Variants in HERC3 observed in about 807,000 individuals in gnomAD.
HERC3 encodes the protein HECT and RLD domain containing E3 ubiquitin protein ligase 3.
A neutral mutation model predicts 129.9 loss-of-function variants in HERC3; 58 were observed. The ratio of observed to expected loss-of-function variants is 0.45; its 90% CI spans 0.36 to 0.56. The LOEUF is 0.56. Among genes scored for constraint, HERC3 ranks in the 20% least tolerant of loss-of-function variants. The pLI is 0.00. For missense variants in HERC3, 835 were observed against 1,244.2 expected (o/e 0.67, Z 4.95); for synonymous variants, 430 against 451.0 (o/e 0.95, Z 0.59).
the HERC3 span, chr4:88,527,414 C>A: frequency 1.2e-5 from 2 of 161,314 alleles, no homozygotes; most frequent in Admixed American, 6.5e-5. Flanking sequence ...TGCACCACCA[C>A]ACCTGGCTAA....
intron 1 of HERC3, 129 bp from the exon 2 acceptor site, chr4:88,595,428 A>G (rs1722259440): frequency 6.6e-6 from 1 of 152,210 alleles, no homozygotes; most frequent in African/African-American, 2.4e-5. Context: ...TGCGTGGGGA[A>G]TATTCAAGAT....
intron 23 of HERC3, among the ~76,000 whole-genome samples, chr4:88,701,366 A>AGAGC (rs1411422692): frequency 6.6e-6 from 1 of 152,224 alleles, no homozygotes; most frequent in Admixed American, 6.5e-5. Flanking sequence ...TATCCACTGT[A>AGAGC]TTACACCATT....
chr4:88,618,001 C>T (rs1038463275), intron 3 of HERC3, among the ~76,000 whole-genome samples: 1 of 152,166 alleles, frequency 6.6e-6, no homozygotes, highest in South Asian at 2.1e-4. Flanking sequence ...TGGGTCTCCT[C>T]CAGGACGAGC....
the HERC3 span, among the ~76,000 whole-genome samples, chr4:88,564,915 G>A: frequency 6.6e-6 from 1 of 151,572 alleles, no homozygotes; most frequent in Non-Finnish European, 1.5e-5. Flanking sequence ...GTTTTTTTAT[G>A]TTCTGTTTCC....
chr4:88,639,579 A>G (rs1363714279), intron 3 of HERC3, among the ~76,000 whole-genome samples: 1 of 152,242 alleles, frequency 6.6e-6, no homozygotes, highest in Non-Finnish European at 1.5e-5. Flanking sequence ...CTTATACAAA[A>G]ATTAACTCAA....
In HERC3 at chr4:88,704,085, T is replaced by C. The variant is rs745825840; in HGVS notation, c.2658-13T>C. 22 of 1,611,876 alleles carry C rather than the reference T, an allele frequency of 1.4e-5. No homozygotes were observed. Among genetic ancestry groups the C allele is most frequent in the Middle Eastern group, 1.7e-4 (1 of 5,924 alleles). On this transcript the variant is annotated splice_polypyrimidine_tract_variant and intron_variant, in intron 23 of 25. Coordinates refer to ENST00000402738, the MANE Select transcript of HERC3 (RefSeq NM_014606.3). ...ACTTTGAGCTAAATGTATTTTCTTT[T>C]GTGTTCTGGCAGGCAGGAATTTGTG...
chr4:88,703,946 G>A (rs988963539), intron 23 of HERC3, 152 bp from the exon 24 acceptor site: 5 of 669,226 alleles, frequency 7.5e-6, no homozygotes, highest in Non-Finnish European at 1.3e-5. Context: ...GGAGAGGAGA[G>A]CTGGTAACCT....
At chr4:88,642,187 T>C (rs569976205) in intron 3 of HERC3, among the ~76,000 whole-genome samples, 41 of 150,190 alleles carry the variant, frequency 2.7e-4, no homozygotes, top group African/African-American at 8.8e-4. Flanking sequence ...CAGACTCACG[T>C]GGTTTCTCTG....
chr4:88,558,689 C>T, the HERC3 span, among the ~76,000 whole-genome samples: 2 of 151,956 alleles, frequency 1.3e-5, no homozygotes, highest in Admixed American at 6.6e-5. Context: ...AGAGGCCAGG[C>T]GCGGTGGCTC....
intron 7 of HERC3, 75 bp downstream of exon 7, chr4:88,654,208 T>A: frequency 1.0e-6 from 1 of 1,000,656 alleles, no homozygotes; most frequent in Non-Finnish European, 1.6e-6. Flanking sequence ...TATGTTAGTG[T>A]AGTGATGGTG....
chr4:88,686,633 A>T, intron 21 of HERC3, 103 bp from the exon 22 acceptor site: 1 of 718,542 alleles, frequency 1.4e-6, no homozygotes, highest in Non-Finnish European at 2.5e-6. Flanking sequence ...ATCTTCTTTC[A>T]TAGTTTTTCC....
At chr4:88,571,090 C>G in the HERC3 span, among the ~76,000 whole-genome samples, 1 of 152,004 alleles carries the variant, frequency 6.6e-6, no homozygotes, top group African/African-American at 2.4e-5. Flanking sequence ...TGGGGTCTCA[C>G]TGTGTTGTTC....
At chr4:88,581,195 T>C in the HERC3 span, among the ~76,000 whole-genome samples, 22 of 152,330 alleles carry the variant, frequency 1.4e-4, no homozygotes, top group African/African-American at 5.1e-4. Context: ...TCAGGGATTC[T>C]TGTGTTTCTA....
intron 3 of HERC3, among the ~76,000 whole-genome samples, chr4:88,631,903 A>G (rs980412951): frequency 6.6e-6 from 1 of 152,228 alleles, no homozygotes; most frequent in African/African-American, 2.4e-5. Flanking sequence ...TAAAACCTGG[A>G]CAGAATGCCT....
At chr4:88,604,469 C>T (rs1007005633) in intron 2 of HERC3, among the ~76,000 whole-genome samples, 1 of 152,218 alleles carries the variant, frequency 6.6e-6, no homozygotes, top group African/African-American at 2.4e-5. Flanking sequence ...TCCCTCCAGT[C>T]CTAGGCAGAC....
chr4:88,697,150 A>G, intron 23 of HERC3: 1 of 1,453,086 alleles, frequency 6.9e-7, no homozygotes, highest in South Asian at 1.6e-5. Flanking sequence ...ATTCTGGGAA[A>G]AACAAAACCA....
chr4:88,678,542 C>T (rs1037603818), intron 19 of HERC3, among the ~76,000 whole-genome samples: 3 of 152,184 alleles, frequency 2.0e-5, no homozygotes, highest in Admixed American at 2.0e-4. Flanking sequence ...ATCTGGGAAG[C>T]TATTGGCCTA....
At chr4:88,616,931 G>T (rs1483285504) in intron 3 of HERC3, among the ~76,000 whole-genome samples, 1 of 151,968 alleles carries the variant, frequency 6.6e-6, no homozygotes, top group Non-Finnish European at 1.5e-5. Context: ...TACTAGTGTG[G>T]GTGTAAGATT....
intron 3 of HERC3, among the ~76,000 whole-genome samples, chr4:88,615,828 A>G (rs1724843593): frequency 6.6e-6 from 1 of 152,160 alleles, no homozygotes; most frequent in Admixed American, 6.5e-5. Flanking sequence ...TTTCATTCCA[A>G]TTTTAGTGTA....
Sources: allele counts gnomAD v4.1 joint callset (sites outside exome capture counted in the v4.1 genomes callset), GRCh38; gene constraint gnomAD v4.1.1; transcripts MANE v1.5; gene names NCBI Gene and HGNC (gene_info 2026-07-23, HGNC 2026-07-21).